The following CPNE4 variants were observed in gnomAD, a reference collection of about 807,000 sequenced individuals.
CPNE4 encodes copine-4.
A neutral mutation model predicts 67.9 loss-of-function variants in CPNE4; 25 were observed. The ratio of observed to expected loss-of-function variants is 0.37; its 90% CI spans 0.27 to 0.51. The LOEUF is 0.51. Among genes scored for constraint, CPNE4 ranks in the 20% least tolerant of loss-of-function variants. The pLI, the probability that CPNE4 is intolerant of heterozygous loss-of-function variation, is 0.93. For missense variants in CPNE4, 464 were observed against 690.8 expected (o/e 0.67, Z 3.68); for synonymous variants, 242 against 244.9 (o/e 0.99, Z 0.11).
intron 2 of CPNE4, among the ~76,000 whole-genome samples, chr3:131,795,662 T>C (rs571415908): frequency 6.6e-5 from 10 of 152,308 alleles, no homozygotes; most frequent in African/African-American, 2.2e-4. Flanking sequence ...TTAGGGGCTT[T>C]TGTGTCCTGT....
In CPNE4 at chr3:131,784,257, G is replaced by A. The variant is rs138390019; in HGVS notation, c.181-60632C>T. On this transcript the variant is annotated intron_variant, in intron 2 of 15. Coordinates refer to ENST00000429747, the MANE Select transcript of CPNE4 (RefSeq NM_130808.3). Reference sequence around the variant, plus strand: ...TCCTAGCCCTTTGTTCTATCTTTGAGTGTTTCTGACTATTATAAAATTTTC... The same window carrying A: ...TCCTAGCCCTTTGTTCTATCTTTGAATGTTTCTGACTATTATAAAATTTTC... 2.6e-5 allele frequency among the ~76,000 whole-genome samples: 4 copies of A among 152,050 alleles called. No homozygotes were observed. In the East Asian group the frequency reaches 7.8e-4, roughly 30 times the overall value.
At chr3:132,028,885 T>G (rs1159401890) in intron 1 of CPNE4, among the ~76,000 whole-genome samples, 1 of 151,942 alleles carries the variant, frequency 6.6e-6, no homozygotes, top group African/African-American at 2.4e-5. Context: ...ACATGATTTT[T>G]TAAAATTTTG....
intron 7 of CPNE4, among the ~76,000 whole-genome samples, chr3:131,590,663 TG>T (rs1427167724): frequency 6.6e-6 from 1 of 152,130 alleles, no homozygotes; most frequent in Non-Finnish European, 1.5e-5. Context: ...CAAAGGAATC[TG>T]TTTGTTAAAA....
intron 1 of CPNE4, chr3:131,985,784 A>G (rs2073027526): frequency 6.5e-6 from 1 of 153,852 alleles, no homozygotes; most frequent in South Asian, 2.0e-4. Context: ...AGATGCTGTA[A>G]TAAAAGCTAT....
rs1352998046 is a variant in CPNE4, at chr3:132,001,924, T to C, written c.-2+32643A>G. ...AACAAAATTTCTTTTCCAACTTCCC[T>C]AGATCAGCTGCTGTTGAGTAGGGGT... On this transcript the variant is annotated intron_variant, in intron 1 of 15. Coordinates refer to ENST00000429747, the MANE Select transcript of CPNE4 (RefSeq NM_130808.3). Among the ~76,000 whole-genome samples, 4 of 152,150 alleles carry C rather than the reference T, an allele frequency of 2.6e-5. No individual in the cohort carries two copies. The East Asian group carries it at 5.8e-4, about 22-fold the overall frequency.
At chr3:131,674,128 A>G (rs924202603) in intron 6 of CPNE4, among the ~76,000 whole-genome samples, 26 of 152,106 alleles carry the variant, frequency 1.7e-4, no homozygotes, top group African/African-American at 6.0e-4. Flanking sequence ...ATTGATTTGC[A>G]TATGTTAAAC....
At chr3:131,774,307 CA>C (rs2107839350) in intron 2 of CPNE4, among the ~76,000 whole-genome samples, 1 of 149,694 alleles carries the variant, frequency 6.7e-6, no homozygotes, top group South Asian at 2.1e-4. Flanking sequence ...GGGAATTCTG[CA>C]ATATATTTTC....
At chr3:131,845,441 A>G (rs780800452) in intron 2 of CPNE4, among the ~76,000 whole-genome samples, 16 of 152,332 alleles carry the variant, frequency 1.1e-4, no homozygotes, top group Admixed American at 3.3e-4. Context: ...ATTCTTTACT[A>G]TGCAGTTCTG....
intron 7 of CPNE4, among the ~76,000 whole-genome samples, chr3:131,594,328 T>C (rs1055735641): frequency 8.5e-5 from 13 of 152,202 alleles, no homozygotes. Context: ...AATTAAAATA[T>C]TGTTTATTGG....
intron 2 of CPNE4, among the ~76,000 whole-genome samples, chr3:131,858,388 AAAGAT>A (rs1179421007): frequency 6.6e-6 from 1 of 152,142 alleles, no homozygotes; most frequent in Non-Finnish European, 1.5e-5. Context: ...GCCCCAGATA[AAAGAT>A]AAGAAAACAG....
chr3:131,953,074 G>C (rs952260952), intron 1 of CPNE4, among the ~76,000 whole-genome samples: 1 of 151,208 alleles, frequency 6.6e-6, no homozygotes, highest in African/African-American at 2.4e-5. Flanking sequence ...ACCACTCCCT[G>C]ATCTCAAGTA....
chr3:131,779,539 A>G (rs532113139), intron 2 of CPNE4, among the ~76,000 whole-genome samples: 18 of 152,258 alleles, frequency 1.2e-4, no homozygotes, highest in African/African-American at 3.8e-4. Flanking sequence ...ATACACCTAC[A>G]ACCATGTCAT....
intron 2 of CPNE4, among the ~76,000 whole-genome samples, chr3:131,798,034 G>A (rs2083967460): frequency 1.3e-5 from 2 of 152,088 alleles, no homozygotes; most frequent in South Asian, 4.2e-4. Context: ...AGAGACCTCT[G>A]GTGGCTCTTT....
intron 1 of CPNE4, among the ~76,000 whole-genome samples, chr3:131,914,319 G>A (rs1312745674): frequency 1.3e-5 from 2 of 152,130 alleles, no homozygotes; most frequent in Non-Finnish European, 2.9e-5. Context: ...AAAAGTGACA[G>A]GTGGGGATTT....
intron 1 of CPNE4, among the ~76,000 whole-genome samples, chr3:132,013,445 G>T (rs984448446): frequency 6.6e-6 from 1 of 152,080 alleles, no homozygotes; most frequent in Non-Finnish European, 1.5e-5. Flanking sequence ...CTGCTCATCC[G>T]TAACCAATAG....
intron 7 of CPNE4, among the ~76,000 whole-genome samples, chr3:131,619,855 C>T (rs1940365694): frequency 6.6e-6 from 1 of 152,230 alleles, no homozygotes; most frequent in African/African-American, 2.4e-5. Context: ...CAATGTGTCA[C>T]ACTGCCTTGA....
At chr3:131,657,757 G>A (rs1428041046) in intron 7 of CPNE4, among the ~76,000 whole-genome samples, 7 of 150,084 alleles carry the variant, frequency 4.7e-5, no homozygotes, top group Admixed American at 4.0e-4. Context: ...GTAGAAACGG[G>A]GTTTCGCCAT....
intron 2 of CPNE4, among the ~76,000 whole-genome samples, chr3:131,754,391 C>A (rs908640781): frequency 2.0e-5 from 3 of 152,040 alleles, no homozygotes; most frequent in Non-Finnish European, 4.4e-5. Flanking sequence ...AAAGAGATTG[C>A]TCTTTTAAAA....
chr3:131,643,389 G>A (rs1205371945), intron 7 of CPNE4, among the ~76,000 whole-genome samples: 1 of 152,192 alleles, frequency 6.6e-6, no homozygotes, highest in Non-Finnish European at 1.5e-5. Context: ...CTTTGTTTTA[G>A]CCAATTTATC....
Sources: allele counts gnomAD v4.1 joint callset (sites outside exome capture counted in the v4.1 genomes callset), GRCh38; gene constraint gnomAD v4.1.1; transcripts MANE v1.5; gene names NCBI Gene and HGNC (gene_info 2026-07-23, HGNC 2026-07-21).